The following MGAT4C variants were observed in gnomAD, a reference collection of about 807,000 sequenced individuals.
MGAT4C encodes MGAT4 family member C.
MGAT4C carries 19 observed loss-of-function variants against 40.1 expected under a neutral mutation model. That is an observed-to-expected ratio of 0.47 (90% CI 0.33 to 0.70). MGAT4C has a LOEUF of 0.70. Ranked by LOEUF, MGAT4C falls within the 30% of genes least tolerant of loss-of-function variation. MGAT4C has a pLI of 0.02. For missense variants in MGAT4C, 491 were observed against 563.2 expected (o/e 0.87, Z 1.30); for synonymous variants, 181 against 187.1 (o/e 0.97, Z 0.27).
chr12:86,168,997 G>A (rs1267390355), intron 1 of MGAT4C, among the ~76,000 whole-genome samples: 1 of 151,948 alleles, frequency 6.6e-6, no homozygotes, highest in African/African-American at 2.4e-5. Flanking sequence ...GTTTCATGTT[G>A]GAGATAAGAT....
chr12:86,730,776 C>A lies in MGAT4C; in HGVS notation c.-261-3535G>T, dbSNP rs371329596. ...AGAGGATATCTAAGTAAATATAAGA[C>A]AATTTAACGCAGAATCTAAATTAAG... is the stretch of plus-strand genomic sequence containing the variant. On this transcript the variant is annotated intron_variant, in intron 1 of 7. Coordinates refer to the MGAT4C transcript ENST00000548651. Among the ~76,000 whole-genome samples, 42 of 152,226 alleles carry A rather than the reference C, an allele frequency of 2.8e-4. No homozygotes were observed. In the South Asian group the frequency reaches 8.7e-3, roughly 32 times the overall value.
At chr12:86,568,388 T>C (rs568184039) in intron 2 of MGAT4C, among the ~76,000 whole-genome samples, 1 of 152,148 alleles carries the variant, frequency 6.6e-6, no homozygotes, top group South Asian at 2.1e-4. Flanking sequence ...ACACTAGTGG[T>C]CTGCCAGAGG....
At chr12:85,988,333 A>G (rs1885481176) in intron 3 of MGAT4C, among the ~76,000 whole-genome samples, 1 of 152,168 alleles carries the variant, frequency 6.6e-6, no homozygotes, top group South Asian at 2.1e-4. Context: ...GAATATCTGT[A>G]CCAACTAAAA....
intron 4 of MGAT4C, among the ~76,000 whole-genome samples, chr12:86,319,303 G>T (rs1389198188): frequency 6.6e-6 from 1 of 152,046 alleles, no homozygotes; most frequent in African/African-American, 2.4e-5. Context: ...GAAATATAAG[G>T]CTCTTCATGA....
chr12:85,986,710 T>G (rs1331900693), intron 3 of MGAT4C, among the ~76,000 whole-genome samples: 1 of 152,174 alleles, frequency 6.6e-6, no homozygotes, highest in African/African-American at 2.4e-5. Context: ...TATCTGTGCG[T>G]AGCAAATTGC....
chr12:86,202,020 A>T (rs904891590), intron 1 of MGAT4C, among the ~76,000 whole-genome samples: 12 of 151,744 alleles, frequency 7.9e-5, no homozygotes, highest in African/African-American at 2.9e-4. Context: ...AAAAAAAGTT[A>T]TTACATTTAT....
At chr12:86,002,369 A>G (rs1005003450) in intron 2 of MGAT4C, 4 of 152,162 alleles carry the variant, frequency 2.6e-5, no homozygotes, top group Non-Finnish European at 4.4e-5. Flanking sequence ...GTATGGGCAA[A>G]AGAAAATCTT....
At chr12:86,776,437 G>C (rs1396458461) in intron 1 of MGAT4C, among the ~76,000 whole-genome samples, 2 of 151,560 alleles carry the variant, frequency 1.3e-5, no homozygotes, top group Admixed American at 6.6e-5. Context: ...TTGATATGAA[G>C]AATAAATTTA....
intron 2 of MGAT4C, among the ~76,000 whole-genome samples, chr12:86,041,132 T>C (rs924553119): frequency 7.0e-6 from 1 of 142,720 alleles, no homozygotes; most frequent in African/African-American, 2.8e-5. Flanking sequence ...TTCAGCCATC[T>C]TGCCCATTTT....
chr12:86,238,364 T>G (rs1360561198), intron 1 of MGAT4C, among the ~76,000 whole-genome samples: 1 of 152,062 alleles, frequency 6.6e-6, no homozygotes. Flanking sequence ...ATAATTTTCT[T>G]ATACTATCTG....
chr12:86,689,833 TCAAC>T (rs1324075234), intron 2 of MGAT4C, among the ~76,000 whole-genome samples: 1 of 152,158 alleles, frequency 6.6e-6, no homozygotes, highest in Non-Finnish European at 1.5e-5. Flanking sequence ...ATAGCAGAGC[TCAAC>T]CACTGTGCTG....
intron 1 of MGAT4C, among the ~76,000 whole-genome samples, chr12:86,168,727 G>T (rs555106255): frequency 6.6e-6 from 1 of 152,256 alleles, no homozygotes; most frequent in South Asian, 2.1e-4. Flanking sequence ...GTTTTCCACT[G>T]TTCCTGATGC....
intron 2 of MGAT4C, among the ~76,000 whole-genome samples, chr12:86,692,703 A>G (rs1950191795): frequency 6.6e-6 from 1 of 152,128 alleles, no homozygotes; most frequent in Non-Finnish European, 1.5e-5. Context: ...TGGTGTAAGG[A>G]TTTTTAAAAG....
chr12:86,238,082 T>C (rs970186215), intron 1 of MGAT4C, among the ~76,000 whole-genome samples: 2 of 151,908 alleles, frequency 1.3e-5, no homozygotes, highest in Non-Finnish European at 2.9e-5. Context: ...TTCCCTTTAC[T>C]TTTTGATAAC....
At chr12:86,242,643 A>T (rs1294286524) in intron 1 of MGAT4C, among the ~76,000 whole-genome samples, 1 of 152,124 alleles carries the variant, frequency 6.6e-6, no homozygotes, top group Non-Finnish European at 1.5e-5. Flanking sequence ...TTTAGAGTAG[A>T]AAAAATAGGG....
intron 3 of MGAT4C, among the ~76,000 whole-genome samples, chr12:86,418,331 A>G (rs903962543): frequency 1.3e-5 from 2 of 152,128 alleles, no homozygotes; most frequent in Non-Finnish European, 2.9e-5. Context: ...GGCTGGGCAC[A>G]GTGGCTCATG....
intron 2 of MGAT4C, among the ~76,000 whole-genome samples, chr12:86,513,104 T>G (rs942561537): frequency 6.6e-6 from 1 of 152,138 alleles, no homozygotes; most frequent in Admixed American, 6.6e-5. Context: ...TGTGTATGTA[T>G]GTATCCCCAC....
At chr12:86,771,387 G>T (rs1190590766) in intron 1 of MGAT4C, among the ~76,000 whole-genome samples, 1 of 152,056 alleles carries the variant, frequency 6.6e-6, no homozygotes, top group Non-Finnish European at 1.5e-5. Flanking sequence ...TTATGTAGAG[G>T]CTGGAAGAGT....
At chr12:86,614,648 AAT>A (rs369216131) in intron 2 of MGAT4C, among the ~76,000 whole-genome samples, 7 of 150,746 alleles carry the variant, frequency 4.6e-5, no homozygotes, top group Admixed American at 6.6e-5. Flanking sequence ...TATTTGCAAA[AAT>A]ATATATATAT....
Sources: gnomAD v4.1 joint callset for allele counts (sites outside exome capture counted in the v4.1 genomes callset) on GRCh38, gnomAD v4.1.1 for gene constraint, MANE v1.5 for transcripts, NCBI Gene and HGNC (gene_info 2026-07-23, HGNC 2026-07-21) for gene names.